The following CPPED1 variants were observed in gnomAD, a reference collection of about 807,000 sequenced individuals.
The protein encoded by CPPED1 is serine/threonine-protein phosphatase CPPED1.
Under a neutral mutation model 28.0 loss-of-function variants are expected in CPPED1, and 28 were observed. The observed-to-expected ratio is 1.00, with a 90% CI of 0.74 to 1.37. The LOEUF (loss-of-function observed/expected upper bound fraction) is 1.37. Among genes scored for constraint, CPPED1 ranks in the 40% most tolerant of loss-of-function variants. The probability of loss-of-function intolerance (pLI) is 0.00; values close to 1 mark genes in which losing one functional copy is unlikely to be tolerated. For missense variants in CPPED1, 504 were observed against 416.5 expected, an observed-to-expected ratio of 1.21 and a Z score of -1.83; for synonymous variants, 198 against 180.2, an observed-to-expected ratio of 1.10 and a Z score of -0.79.
At chr16:12,766,275 AGG>A (rs71142520) in intron 2 of CPPED1, among the ~76,000 whole-genome samples, 8,402 of 139,362 alleles carry the variant, frequency 0.06, 429 homozygotes, top group Non-Finnish European at 0.073. Flanking sequence ...AGAGAGAGAG[AGG>A]GAGAGAGAGA....
chr16:12,738,175 G>A (rs1375617521), intron 2 of CPPED1, among the ~76,000 whole-genome samples: 1 of 152,122 alleles, frequency 6.6e-6, no homozygotes, highest in African/African-American at 2.4e-5. Context: ...TTAATGAAAG[G>A]ACATTACGCA....
intron 2 of CPPED1, among the ~76,000 whole-genome samples, chr16:12,740,238 G>A (rs2080247848): frequency 6.6e-6 from 1 of 152,102 alleles, no homozygotes; most frequent in African/African-American, 2.4e-5. Flanking sequence ...CTGAGGTCAG[G>A]AGTTCAACAC....
chr16:12,773,616 G>C (rs576132914), intron 2 of CPPED1, among the ~76,000 whole-genome samples: 19 of 152,264 alleles, frequency 1.2e-4, no homozygotes, highest in African/African-American at 4.3e-4. Flanking sequence ...CCAGCTGCTC[G>C]AGGCTGAGGC....
Position 12,682,285 on chromosome 16 carries a change from T to C in CPPED1, c.716-17170A>G, listed in dbSNP as rs926417366. Among the ~76,000 whole-genome samples the C allele has an allele frequency of 6.6e-6, 1 of 152,082 alleles. No homozygotes were observed. The highest frequency in any genetic ancestry group is 2.4e-5 in the African/African-American group (1 of 41,392). ...CCTGAACTCAGGTGATCGACCCACT[T>C]TGGTCTCCCAAAAGTGCTGAGATTA... On this transcript the variant is annotated intron_variant, in intron 3 of 3. Transcript: ENST00000381774. The surrounding 1 kb of genome is among the most constrained non-coding windows in gnomAD (Gnocchi z 6.1).
rs1053772581 is a variant in CPPED1, at chr16:12,803,883, A to G, written c.-107T>C. ...GTCCCGCTTTGGGCGACGCCCTTTG[A>G]TCTCGGGGCGGGACTGGGGCGGGAC... On this transcript the variant is annotated 5_prime_UTR_variant, in exon 1 of 4. Coordinates refer to ENST00000381774, the MANE Select transcript of CPPED1 (RefSeq NM_018340.3). 3.7e-6 allele frequency: 4 copies of G among 1,073,698 alleles called. No homozygotes were observed. In the African/African-American group the frequency reaches 6.6e-5, roughly 18 times the overall value. The allele number at this position is 1,073,698 out of a possible 1,614,324, so 66.5% of individuals were successfully genotyped here.
At chr16:12,760,424 T>A (rs1014191589) in intron 2 of CPPED1, 2 of 152,188 alleles carry the variant, frequency 1.3e-5, no homozygotes, top group African/African-American at 4.8e-5. Flanking sequence ...ATGGTGATGC[T>A]GAGATTCTGG....
chr16:12,711,835 G>C (rs2080081639), intron 2 of CPPED1, among the ~76,000 whole-genome samples: 1 of 152,114 alleles, frequency 6.6e-6, no homozygotes, highest in Non-Finnish European at 1.5e-5. Context: ...TGGAAATTCT[G>C]TGAGATAAAT....
intron 2 of CPPED1, among the ~76,000 whole-genome samples, chr16:12,715,428 G>A (rs949112652): frequency 3.3e-5 from 5 of 152,132 alleles, no homozygotes; most frequent in African/African-American, 1.2e-4. Flanking sequence ...GGGAGGCTGA[G>A]GTGGGCAGAT....
chr16:12,795,753 G>A (rs1339805477), intron 1 of CPPED1, among the ~76,000 whole-genome samples: 1 of 152,204 alleles, frequency 6.6e-6, no homozygotes, highest in Non-Finnish European at 1.5e-5. Context: ...CCCAGGTGGA[G>A]TGTATTCATT....
At chr16:12,741,334 G>A (rs12447643) in intron 2 of CPPED1, among the ~76,000 whole-genome samples, 22,554 of 143,514 alleles carry the variant, frequency 0.16, 1,873 homozygotes, top group East Asian at 0.21. Flanking sequence ...TAAATGAACC[G>A]AGACAGACTT....
At chr16:12,774,738 T>G (rs1338465786) in intron 2 of CPPED1, among the ~76,000 whole-genome samples, 2 of 151,990 alleles carry the variant, frequency 1.3e-5, no homozygotes, top group Non-Finnish European at 2.9e-5. Context: ...AATGGATGAG[T>G]CCATTCATGG....
chr16:12,771,524 G>A (rs982739932), intron 2 of CPPED1, among the ~76,000 whole-genome samples: 5 of 152,240 alleles, frequency 3.3e-5, no homozygotes, highest in Admixed American at 2.6e-4. Context: ...AAGCTTGGGA[G>A]AAGGCGAACT....
intron 2 of CPPED1, among the ~76,000 whole-genome samples, chr16:12,717,136 G>A (rs1419536601): frequency 6.6e-6 from 1 of 152,158 alleles, no homozygotes; most frequent in African/African-American, 2.4e-5. Flanking sequence ...GGAGCCTTTT[G>A]GAAAGTGGGG....
intron 2 of CPPED1, among the ~76,000 whole-genome samples, chr16:12,737,609 A>G (rs866527450): frequency 9.2e-5 from 14 of 152,330 alleles, no homozygotes; most frequent in African/African-American, 2.6e-4. Flanking sequence ...TATTGGCCAC[A>G]ATATTTTGGA....
rs141458184 is a variant in CPPED1 at position 12,766,764 on chromosome 16, G to A, written c.289+14421C>T. ...AGCCTGGGTGACGGATCAAGACTCC[G>A]TCTCAAATAAAAAGAAAAGCAAAAA... is the stretch of plus-strand genomic sequence containing the variant. On this transcript the variant is annotated intron_variant, in intron 2 of 3. Coordinates refer to ENST00000381774, the MANE Select transcript of CPPED1 (RefSeq NM_018340.3). Among the ~76,000 whole-genome samples, 1,074 of 152,208 alleles carry A rather than the reference G, an allele frequency of 7.1e-3. 13 individuals are homozygous for A. Among genetic ancestry groups the A allele is most frequent in the African/African-American group, 0.024 (986 of 41,520 alleles).
At position 12,731,990 on chromosome 16, in the gene CPPED1, C is replaced by T. The variant is rs539358884; in HGVS notation, c.290-26941G>A. Among the ~76,000 whole-genome samples the T allele has an allele frequency of 2.6e-3, 392 of 151,988 alleles. 2 individuals carry two copies. The highest frequency in any genetic ancestry group is 2.9e-3 in the Non-Finnish European group (196 of 67,958). On this transcript the variant is annotated intron_variant, in intron 2 of 3. Transcript: ENST00000381774. ...CCAGCCTGGCCAAAAGGGCAAAACC[C>T]GGTCTCTACTAAAAATACAAAAAGT... is the stretch of plus-strand genomic sequence containing the variant.
intron 2 of CPPED1, among the ~76,000 whole-genome samples, chr16:12,741,260 T>C (rs2080253635): frequency 6.7e-6 from 1 of 150,086 alleles, no homozygotes; most frequent in African/African-American, 2.4e-5. Context: ...ATCAGACTTT[T>C]AAAAATCAGC....
At chr16:12,726,591 C>T (rs944645130) in intron 2 of CPPED1, among the ~76,000 whole-genome samples, 34 of 152,206 alleles carry the variant, frequency 2.2e-4, no homozygotes, top group African/African-American at 8.2e-4. Context: ...GATCTGCCCA[C>T]CTCGGCCTCT....
chr16:12,780,587 C>T (rs561336487), intron 2 of CPPED1, among the ~76,000 whole-genome samples: 4 of 152,136 alleles, frequency 2.6e-5, no homozygotes, highest in South Asian at 2.1e-4. Context: ...AGAGCCTGAA[C>T]GTAAATGAGG....
Sources: allele counts gnomAD v4.1 joint callset (sites outside exome capture counted in the v4.1 genomes callset), GRCh38; gene constraint gnomAD v4.1.1; non-coding constraint Gnocchi (gnomAD v3.1); transcripts MANE v1.5; gene names NCBI Gene and HGNC (gene_info 2026-07-23, HGNC 2026-07-21).